Variants in ATP10A observed in about 807,000 individuals in gnomAD.
ATP10A encodes the protein phospholipid-transporting ATPase VA.
In ATP10A, 111 loss-of-function variants were observed where a neutral mutation model predicts 147.8. That is an observed-to-expected ratio of 0.75 (90% CI 0.64 to 0.88). The LOEUF (loss-of-function observed/expected upper bound fraction) is 0.88. Among genes scored for constraint, ATP10A ranks in the 40% least tolerant of loss-of-function variants. The pLI, the probability that ATP10A is intolerant of heterozygous loss-of-function variation, is 0.00. For synonymous variants in ATP10A, 875 were observed against 841.6 expected (o/e 1.04, Z -0.69); for missense variants, 1,927 against 1,959.0 (o/e 0.98, Z 0.31).
At chr15:25,770,151 G>T (rs974338284) in intron 2 of ATP10A, among the ~76,000 whole-genome samples, 1 of 151,012 alleles carries the variant, frequency 6.6e-6, no homozygotes, top group Non-Finnish European at 1.5e-5. Context: ...AACACGACCC[G>T]GGCGAGGTGG....
At chr15:25,745,048 G>A (rs765219642) in intron 2 of ATP10A, among the ~76,000 whole-genome samples, 69 of 152,318 alleles carry the variant, frequency 4.5e-4, no homozygotes, top group Admixed American at 7.8e-4. Context: ...AATTGGGGCC[G>A]GGCGCGGTGG....
chr15:25,745,744 G>A (rs1038344389), intron 2 of ATP10A, among the ~76,000 whole-genome samples: 6 of 152,200 alleles, frequency 3.9e-5, no homozygotes, highest in Non-Finnish European at 4.4e-5. Context: ...ATGTAAGTTG[G>A]AAGAGAATAA....
rs191449223 is a variant in ATP10A, at chr15:25,750,451, A to C, written c.655-14310T>G. Among the ~76,000 whole-genome samples the C allele has an allele frequency of 9.2e-5, 14 of 152,224 alleles. No homozygotes were observed. The East Asian group carries it at 1.2e-3, about 13-fold the overall frequency. ...AGATCCATACCAGAAAAAAATGATA[A>C]AGGAAGCCATTCAGGCAAAAGGAAA... On this transcript the variant is annotated intron_variant, in intron 2 of 20. Transcript: ENST00000555815.
intron 3 of ATP10A, among the ~76,000 whole-genome samples, chr15:25,734,280 C>G (rs1219404630): frequency 1.3e-5 from 2 of 152,222 alleles, no homozygotes; most frequent in Non-Finnish European, 2.9e-5. Flanking sequence ...CTGCCAGGCA[C>G]CGCCCTGTCA....
At chr15:25,692,797 T>C (rs1567304787) in intron 14 of ATP10A, among the ~76,000 whole-genome samples, 1 of 152,148 alleles carries the variant, frequency 6.6e-6, no homozygotes, top group Non-Finnish European at 1.5e-5. Flanking sequence ...CATTCTTTCT[T>C]TCTTTCTTTT....
At position 25,712,536 on chromosome 15, in the gene ATP10A, AT is replaced by A. The variant is rs953795760; in HGVS notation, c.2344+1137del. ...AACCCAAGGCTGTGGAATAAGAGAG[AT>A]TTTTTTTTGCTGTAGAATGAAATCA... On this transcript the variant is annotated intron_variant, in intron 10 of 20. Coordinates refer to ENST00000555815, the MANE Select transcript of ATP10A (RefSeq NM_024490.4). Among the ~76,000 whole-genome samples the A allele has an allele frequency of 6.6e-5, 10 of 151,654 alleles. No individual in the cohort carries two copies. In the South Asian group the frequency reaches 1.7e-3, roughly 25 times the overall value.
chr15:25,820,958 A>C (rs1349691882), intron 1 of ATP10A, among the ~76,000 whole-genome samples: 2 of 152,256 alleles, frequency 1.3e-5, no homozygotes, highest in African/African-American at 4.8e-5. Flanking sequence ...AAAACACTCT[A>C]AACAAAATTG....
chr15:25,682,478 G>T (rs900889023), intron 17 of ATP10A, among the ~76,000 whole-genome samples: 1 of 152,180 alleles, frequency 6.6e-6, no homozygotes, highest in African/African-American at 2.4e-5. Flanking sequence ...GAAAGTGCTG[G>T]CTAGGCTCTT....
At chr15:25,687,935 C>T (rs1210251158) in intron 15 of ATP10A, 107 bp from the exon 16 acceptor site, 1 of 1,530,886 alleles carries the variant, frequency 6.5e-7, no homozygotes, top group South Asian at 1.1e-5. Flanking sequence ...AATCCCCATT[C>T]TGAACACAGT....
At chr15:25,760,521 A>G (rs899279449) in intron 2 of ATP10A, among the ~76,000 whole-genome samples, 1 of 152,232 alleles carries the variant, frequency 6.6e-6, no homozygotes, top group African/African-American at 2.4e-5. Flanking sequence ...ACAATCTTCA[A>G]GTGTTATGTC....
chr15:25,795,488 T>C (rs755890283), intron 1 of ATP10A, among the ~76,000 whole-genome samples: 6 of 152,170 alleles, frequency 3.9e-5, no homozygotes, highest in Non-Finnish European at 8.8e-5. Context: ...AAGAACTGTT[T>C]TAACATTTTT....
intron 2 of ATP10A, among the ~76,000 whole-genome samples, chr15:25,740,260 T>C (rs1887512518): frequency 6.6e-6 from 1 of 152,116 alleles, no homozygotes; most frequent in African/African-American, 2.4e-5. Flanking sequence ...TTTTTTTCTA[T>C]CATAAAAAAA....
rs577089404 is a variant in ATP10A, at chr15:25,707,920, G to A, written c.2575+56C>T. 1.5e-5 allele frequency: 24 copies of A among 1,596,312 alleles called. No homozygotes were observed. The East Asian group carries it at 5.0e-4, about 33-fold the overall frequency. On this transcript the variant is annotated intron_variant, in intron 12 of 20. Coordinates refer to ENST00000555815, the MANE Select transcript of ATP10A (RefSeq NM_024490.4). ...CTGACAAGAGCACTCACCCCTCCAG[G>A]GCCGTCCCTGCAAACTCCACACTGC... is the stretch of plus-strand genomic sequence containing the variant.
At chr15:25,856,630 C>T (rs1893530332) in intron 1 of ATP10A, among the ~76,000 whole-genome samples, 2 of 152,166 alleles carry the variant, frequency 1.3e-5, no homozygotes, top group African/African-American at 4.8e-5. Context: ...CACCATTTGG[C>T]AACCTCTAAC....
rs373754253 is a variant in ATP10A at position 25,737,306 on chromosome 15, G to C, written c.655-1165C>G. On this transcript the variant is annotated intron_variant, in intron 2 of 20. Coordinates refer to ENST00000555815, the MANE Select transcript of ATP10A (RefSeq NM_024490.4). ...TGAAACCAGTGGATGGCTTTTTCCAGGGCAGACATTTGCAGATACAAAGTA... is the reference window on the plus strand; with the variant it reads ...TGAAACCAGTGGATGGCTTTTTCCACGGCAGACATTTGCAGATACAAAGTA... 1.3e-3 allele frequency among the ~76,000 whole-genome samples: 205 copies of C among 152,280 alleles called. 1 individual carries two copies. Among genetic ancestry groups the C allele is most frequent in the African/African-American group, 4.5e-3 (188 of 41,564 alleles).
At position 25,749,320 on chromosome 15, in the gene ATP10A, T is replaced by A. The variant is rs985176869; in HGVS notation, c.655-13179A>T. Among the ~76,000 whole-genome samples, 6 of 152,240 alleles carry A rather than the reference T, an allele frequency of 3.9e-5. No individual in the cohort carries two copies. In the South Asian group the frequency reaches 1.0e-3, roughly 26 times the overall value. On this transcript the variant is annotated intron_variant, in intron 2 of 20. Coordinates refer to ENST00000555815, the MANE Select transcript of ATP10A (RefSeq NM_024490.4). Reference sequence around the variant, plus strand: ...AAAACTATAAAGTATTATTAAGAGATTAAAGATGGTGCAAATAAGAGAGAA... The same window carrying A: ...AAAACTATAAAGTATTATTAAGAGAATAAAGATGGTGCAAATAAGAGAGAA...
intron 1 of ATP10A, among the ~76,000 whole-genome samples, chr15:25,818,740 T>A (rs1411934459): frequency 6.6e-6 from 1 of 152,038 alleles, no homozygotes; most frequent in East Asian, 1.9e-4. Flanking sequence ...CAGCACAATA[T>A]TGGTACAAAA....
chr15:25,709,372 C>A (rs1454879391), intron 10 of ATP10A: 2 of 152,172 alleles, frequency 1.3e-5, no homozygotes, highest in Non-Finnish European at 2.9e-5. Flanking sequence ...TGCAGATAAC[C>A]TTTTCCCAGA....
intron 3 of ATP10A, among the ~76,000 whole-genome samples, chr15:25,730,750 T>A (rs1228746696): frequency 6.6e-6 from 1 of 152,070 alleles, no homozygotes; most frequent in Non-Finnish European, 1.5e-5. Context: ...AATAATCAGA[T>A]GTTCATATTT....
Sources: gnomAD v4.1 joint callset for allele counts (sites outside exome capture counted in the v4.1 genomes callset) on GRCh38, gnomAD v4.1.1 for gene constraint, MANE v1.5 for transcripts, NCBI Gene and HGNC (gene_info 2026-07-23, HGNC 2026-07-21) for gene names.